The following NEK11 variants were observed in gnomAD, a reference collection of about 807,000 sequenced individuals.
NEK11 encodes serine/threonine-protein kinase Nek11.
A neutral mutation model predicts 80.7 loss-of-function variants in NEK11; 72 were observed. The ratio of observed to expected loss-of-function variants is 0.89; its 90% CI spans 0.74 to 1.08. The LOEUF is 1.08. Ranked by LOEUF, NEK11 falls within the 50% of genes least tolerant of loss-of-function variation. The probability of loss-of-function intolerance (pLI) is 0.00; values close to 1 mark genes in which losing one functional copy is unlikely to be tolerated. For synonymous variants in NEK11, 251 were observed against 260.7 expected, an observed-to-expected ratio of 0.96 and a Z score of 0.36; for missense variants, 764 against 763.6, an observed-to-expected ratio of 1.00 and a Z score of -0.01.
chr3:131,109,944 G>A (rs1431399818), intron 5 of NEK11, 23 bp downstream of exon 5: 1 of 1,570,530 alleles, frequency 6.4e-7, no homozygotes. Flanking sequence ...GCTACTGGGG[G>A]AGCATGATAT....
chr3:131,142,942 C>G (rs999497578), intron 7 of NEK11, among the ~76,000 whole-genome samples: 19 of 152,138 alleles, frequency 1.2e-4, no homozygotes, highest in African/African-American at 4.6e-4. Flanking sequence ...GGAGAAAATT[C>G]ACCCAAACCT....
chr3:131,190,565 C>G (rs1560877599), intron 14 of NEK11, among the ~76,000 whole-genome samples: 1 of 152,146 alleles, frequency 6.6e-6, no homozygotes, highest in Admixed American at 6.5e-5. Context: ...TGATTTTAAG[C>G]TTCCTGAGGC....
At chr3:131,079,998 A>C (rs1051992876) in intron 3 of NEK11, among the ~76,000 whole-genome samples, 1 of 151,502 alleles carries the variant, frequency 6.6e-6, no homozygotes, top group African/African-American at 2.4e-5. Flanking sequence ...AGATACAGGG[A>C]GACAGAGTGA....
At chr3:131,282,781 T>G (rs2096416963) in intron 17 of NEK11, among the ~76,000 whole-genome samples, 1 of 152,228 alleles carries the variant, frequency 6.6e-6, no homozygotes, top group Admixed American at 6.5e-5. Flanking sequence ...ACCTGATATA[T>G]AGCTCATGGT....
At chr3:131,341,646 T>C (rs1410486024) in intron 17 of NEK11, among the ~76,000 whole-genome samples, 1 of 152,236 alleles carries the variant, frequency 6.6e-6, no homozygotes, top group Non-Finnish European at 1.5e-5. Flanking sequence ...AGTTTCTCTT[T>C]GTAGTCCTCT....
intron 17 of NEK11, among the ~76,000 whole-genome samples, chr3:131,312,723 C>A (rs2096794214): frequency 6.6e-6 from 1 of 152,084 alleles, no homozygotes; most frequent in African/African-American, 2.4e-5. Flanking sequence ...GGTGATTCAG[C>A]CAAGTTTCAG....
At chr3:131,118,656 T>A (rs903467088) in intron 5 of NEK11, among the ~76,000 whole-genome samples, 4 of 152,238 alleles carry the variant, frequency 2.6e-5, no homozygotes, top group African/African-American at 9.6e-5. Flanking sequence ...CAGAGCCTGT[T>A]ATTAGTCTAT....
chr3:131,031,245 T>C (rs2064800333), intron 3 of NEK11, among the ~76,000 whole-genome samples: 1 of 152,218 alleles, frequency 6.6e-6, no homozygotes, highest in African/African-American at 2.4e-5. Context: ...AATTTCTACA[T>C]GAGGGATGAT....
At chr3:131,038,012 A>T (rs1445981675) in intron 3 of NEK11, among the ~76,000 whole-genome samples, 1 of 152,028 alleles carries the variant, frequency 6.6e-6, no homozygotes, top group African/African-American at 2.4e-5. Context: ...GAAACTAATG[A>T]TTTCTTTCTA....
At chr3:131,125,136 G>A (rs1006975341) in intron 5 of NEK11, among the ~76,000 whole-genome samples, 4 of 152,154 alleles carry the variant, frequency 2.6e-5, no homozygotes, top group African/African-American at 9.7e-5. Context: ...TGAATTAGGG[G>A]AAATTCTCAC....
intron 16 of NEK11, among the ~76,000 whole-genome samples, chr3:131,271,403 T>TA (rs1427880469): frequency 3.9e-5 from 6 of 152,188 alleles, no homozygotes; most frequent in Admixed American, 1.3e-4. Context: ...ATTATATCTA[T>TA]AGGAGCAAGA....
chr3:131,176,468 T>C (rs914900620), intron 14 of NEK11, among the ~76,000 whole-genome samples: 8 of 152,212 alleles, frequency 5.3e-5, no homozygotes, highest in Non-Finnish European at 8.8e-5. Context: ...CTGACTCTAA[T>C]ACTTGCTCTC....
intron 4 of NEK11, among the ~76,000 whole-genome samples, chr3:131,094,256 C>T (rs1325676258): frequency 6.6e-6 from 1 of 151,728 alleles, no homozygotes; most frequent in Non-Finnish European, 1.5e-5. Flanking sequence ...ATCTAGTTGT[C>T]ATCAGCTGGT....
At chr3:131,227,952 C>T (rs551941677) in intron 14 of NEK11, among the ~76,000 whole-genome samples, 1 of 152,034 alleles carries the variant, frequency 6.6e-6, no homozygotes, top group South Asian at 2.1e-4. Context: ...TAAGTAGGAC[C>T]CACCAGAGTG....
At chr3:131,203,694 A>G (rs886129162) in intron 14 of NEK11, among the ~76,000 whole-genome samples, 5 of 92,198 alleles carry the variant, frequency 5.4e-5, no homozygotes, top group Non-Finnish European at 8.6e-5. Context: ...GTTCATATAT[A>G]TATGTATATA....
intron 3 of NEK11, among the ~76,000 whole-genome samples, chr3:131,059,074 G>C (rs2070279637): frequency 6.6e-6 from 1 of 152,158 alleles, no homozygotes; most frequent in Admixed American, 6.6e-5. Context: ...ACTGATCTGT[G>C]GTTCAGGAGA....
intron 14 of NEK11, among the ~76,000 whole-genome samples, chr3:131,180,940 G>T (rs1466079778): frequency 2.0e-5 from 3 of 152,076 alleles, no homozygotes; most frequent in Non-Finnish European, 4.4e-5. Flanking sequence ...TATTTGTAAG[G>T]GCAATATTTA....
chr3:131,168,756 A>C, intron 12 of NEK11, 74 bp from the exon 13 acceptor site: 3 of 1,029,910 alleles, frequency 2.9e-6, no homozygotes, highest in Non-Finnish European at 4.3e-6. Flanking sequence ...GCCTCCTGAA[A>C]GCAGCACTTC....
At chr3:131,320,537 G>A (rs1175974084) in intron 17 of NEK11, among the ~76,000 whole-genome samples, 1 of 152,052 alleles carries the variant, frequency 6.6e-6, no homozygotes, top group Non-Finnish European at 1.5e-5. Context: ...GAGAGAGAGA[G>A]AGAAGGAAAG....
Sources: gnomAD v4.1 joint callset for allele counts (sites outside exome capture counted in the v4.1 genomes callset) on GRCh38, gnomAD v4.1.1 for gene constraint, MANE v1.5 for transcripts, NCBI Gene and HGNC (gene_info 2026-07-23, HGNC 2026-07-21) for gene names.